MCC: variants seen among roughly 807,000 people sequenced by gnomAD.
MCC encodes colorectal mutant cancer protein.
A neutral mutation model predicts 116.2 loss-of-function variants in MCC; 90 were observed. That is an observed-to-expected ratio of 0.77 (90% CI 0.65 to 0.92). The LOEUF (loss-of-function observed/expected upper bound fraction) is 0.92. Ranked by LOEUF, MCC falls within the 40% of genes least tolerant of loss-of-function variation. MCC has a pLI of 0.00. For synonymous variants in MCC, 578 were observed against 510.5 expected (o/e 1.13, Z -1.78); for missense variants, 1,516 against 1,312.2 (o/e 1.16, Z -2.40).
intron 3 of MCC, among the ~76,000 whole-genome samples, chr5:113,170,927 A>G (rs1761039391): frequency 6.6e-6 from 1 of 152,082 alleles, no homozygotes; most frequent in Non-Finnish European, 1.5e-5. Context: ...TTTGGCTCCC[A>G]CACTGGGCGT....
At chr5:113,408,206 A>C (rs888315624) in intron 1 of MCC, among the ~76,000 whole-genome samples, 12 of 152,296 alleles carry the variant, frequency 7.9e-5, no homozygotes, top group African/African-American at 2.6e-4. Flanking sequence ...TGTACCCCTT[A>C]GGTCTAAGAT....
intron 17 of MCC, among the ~76,000 whole-genome samples, chr5:113,040,230 A>G (rs1751606908): frequency 6.6e-6 from 1 of 151,856 alleles, no homozygotes; most frequent in African/African-American, 2.4e-5. Flanking sequence ...GAAAGTTAGG[A>G]GAAGATACAC....
intron 14 of MCC, among the ~76,000 whole-genome samples, chr5:113,058,838 T>G (rs4705764): frequency 0.98 from 148,944 of 152,310 alleles, 72,836 homozygotes; most frequent in East Asian, 1. Context: ...CCTGTGGGAG[T>G]AAGAGAGAAG....
At chr5:113,257,684 G>T (rs184029443) in intron 3 of MCC, among the ~76,000 whole-genome samples, 1 of 152,142 alleles carries the variant, frequency 6.6e-6, no homozygotes, top group Non-Finnish European at 1.5e-5. Context: ...CTAGGGCCGC[G>T]AGTGCACAAA....
At chr5:113,476,680 T>C (rs546334401) in intron 1 of MCC, among the ~76,000 whole-genome samples, 1 of 152,308 alleles carries the variant, frequency 6.6e-6, no homozygotes, top group South Asian at 2.1e-4. Context: ...GGCCACAGAA[T>C]GTACAATATC....
At chr5:113,069,463 C>T (rs1031920923) in intron 12 of MCC, among the ~76,000 whole-genome samples, 1 of 152,246 alleles carries the variant, frequency 6.6e-6, no homozygotes, top group Admixed American at 6.5e-5. Context: ...AGATAATATG[C>T]CTGCAGTAGG....
At chr5:113,311,288 G>A (rs1000108322) in intron 3 of MCC, among the ~76,000 whole-genome samples, 1 of 152,198 alleles carries the variant, frequency 6.6e-6, no homozygotes, top group Non-Finnish European at 1.5e-5. Flanking sequence ...ACTTGTCCAT[G>A]TGACTAACTT....
chr5:113,092,385 C>G (rs181133349), intron 8 of MCC, among the ~76,000 whole-genome samples: 1 of 152,206 alleles, frequency 6.6e-6, no homozygotes, highest in Non-Finnish European at 1.5e-5. Context: ...TTCTCCCCTC[C>G]AGCCTCCAGA....
At chr5:113,401,462 A>T (rs1769684297) in intron 1 of MCC, among the ~76,000 whole-genome samples, 1 of 152,192 alleles carries the variant, frequency 6.6e-6, no homozygotes, top group Non-Finnish European at 1.5e-5. Context: ...GGCTCTTTAA[A>T]TTGAAGTGGC....
chr5:113,175,181 G>C (rs1300919797), intron 3 of MCC, among the ~76,000 whole-genome samples: 1 of 152,042 alleles, frequency 6.6e-6, no homozygotes, highest in African/African-American at 2.4e-5. Flanking sequence ...TACTATTCTT[G>C]AAAATAAATA....
At chr5:113,325,716 T>G (rs1767535419) in intron 3 of MCC, among the ~76,000 whole-genome samples, 1 of 152,088 alleles carries the variant, frequency 6.6e-6, no homozygotes, top group African/African-American at 2.4e-5. Context: ...AAAGCAGACT[T>G]TCAAGAACAT....
At chr5:113,349,042 A>G (rs1768202757) in intron 2 of MCC, among the ~76,000 whole-genome samples, 1 of 152,036 alleles carries the variant, frequency 6.6e-6, no homozygotes, top group South Asian at 2.1e-4. Flanking sequence ...ATAAAAAATC[A>G]TGAGCGTGAA....
intron 5 of MCC, among the ~76,000 whole-genome samples, chr5:113,128,751 C>T (rs2150275199): frequency 6.6e-6 from 1 of 152,300 alleles, no homozygotes; most frequent in African/African-American, 2.4e-5. Flanking sequence ...GAGAGAAACA[C>T]TCTTCTTTCT....
chr5:113,203,095 G>C (rs1162808357), intron 3 of MCC: 1 of 152,174 alleles, frequency 6.6e-6, no homozygotes, highest in Non-Finnish European at 1.5e-5. Flanking sequence ...CAGGACCAGG[G>C]GCTGGACTTG....
chr5:113,432,828 A>G (rs1770703232), intron 1 of MCC: 1 of 152,264 alleles, frequency 6.6e-6, no homozygotes, highest in South Asian at 2.1e-4. Flanking sequence ...TAAATTAGCT[A>G]CAAAATCAAT....
intron 2 of MCC, among the ~76,000 whole-genome samples, chr5:113,363,585 T>C (rs1355244338): frequency 1.3e-5 from 2 of 152,114 alleles, no homozygotes; most frequent in Non-Finnish European, 2.9e-5. Flanking sequence ...TCATAAGAAC[T>C]CTGCCCCATG....
intron 3 of MCC, among the ~76,000 whole-genome samples, chr5:113,296,981 G>C (rs1210881528): frequency 6.6e-6 from 1 of 152,188 alleles, no homozygotes; most frequent in Non-Finnish European, 1.5e-5. Context: ...CTGAGAAGCA[G>C]TGTCTGTAGA....
In MCC at chr5:113,208,839, C is replaced by T. The variant is rs373849995; in HGVS notation, c.628-57417G>A. The stretch of plus-strand genomic sequence containing the variant: ...AAGCAATATGTCCCCAACATCATGG[C>T]CACAAAAACATAGATGTAGATTTCT... On this transcript the variant is annotated intron_variant, in intron 3 of 18. Transcript: ENST00000408903. 9.2e-5 allele frequency among the ~76,000 whole-genome samples: 14 copies of T among 152,258 alleles called. No individual in the cohort carries two copies. In the East Asian group the frequency reaches 2.1e-3, roughly 23 times the overall value.
chr5:113,432,285 T>C (rs558844083), intron 1 of MCC, among the ~76,000 whole-genome samples: 113 of 130,500 alleles, frequency 8.7e-4, no homozygotes, highest in African/African-American at 3.2e-3. Context: ...ATCACACCAC[T>C]GCACTCCAGC....
Sources: allele counts gnomAD v4.1 joint callset (sites outside exome capture counted in the v4.1 genomes callset), GRCh38; gene constraint gnomAD v4.1.1; transcripts MANE v1.5; gene names NCBI Gene and HGNC (gene_info 2026-07-23, HGNC 2026-07-21).